Variants in CWC22 observed in about 807,000 individuals in gnomAD.
CWC22 encodes the protein pre-mRNA-splicing factor CWC22 homolog.
A neutral mutation model predicts 117.2 loss-of-function variants in CWC22; 53 were observed. The observed-to-expected ratio is 0.45, with a 90% CI of 0.36 to 0.57. CWC22 has a LOEUF of 0.57. CWC22 is among the 20% of genes least tolerant of loss of function. The pLI, the probability that CWC22 is intolerant of heterozygous loss-of-function variation, is 0.00. For synonymous variants in CWC22, 360 were observed against 355.6 expected (o/e 1.01, Z -0.14); for missense variants, 980 against 1,068.8 (o/e 0.92, Z 1.16).
At chr2:179,951,016 T>A (rs1027895202) in intron 17 of CWC22, 90 bp from the exon 18 acceptor site, 1 of 764,828 alleles carries the variant, frequency 1.3e-6, no homozygotes, top group South Asian at 1.7e-5. Flanking sequence ...TTTCATATAT[T>A]AAATTACTAA....
At chr2:179,959,525 C>T (rs149749945) in intron 13 of CWC22, among the ~76,000 whole-genome samples, 11 of 152,128 alleles carry the variant, frequency 7.2e-5, no homozygotes, top group African/African-American at 1.2e-4. Flanking sequence ...CTTAATGACA[C>T]GGTTATCTAA....
intron 11 of CWC22, among the ~76,000 whole-genome samples, chr2:179,969,752 A>G (rs1173776823): frequency 6.6e-6 from 1 of 152,190 alleles, no homozygotes; most frequent in Non-Finnish European, 1.5e-5. Flanking sequence ...CAGTAAAATT[A>G]CAACTCAAGA....
chr2:179,971,062 T>A lies in CWC22; in HGVS notation c.819A>T (p.Leu273Phe), dbSNP rs1481383735. The change falls in exon 9 of 20, where the codon TTA (leucine) becomes TTT (phenylalanine). Residue 273 changes from leucine to phenylalanine, a missense_variant. By Grantham distance (22) the Leu-to-Phe change is conservative. This residue lies in a region of CWC22 where 559 missense variants were observed against 602.3 expected (regional missense o/e 0.93). Transcript: ENST00000410053. ...LINQNVAHEV[L>F]CLEMLTLLLE... ...GGAGCAAAGTGAGCATCTCTAAGCATAATACTTCGTGTGCCTTAAATAAAA... is the reference window on the plus strand; with the variant it reads ...GGAGCAAAGTGAGCATCTCTAAGCAAAATACTTCGTGTGCCTTAAATAAAA... The A allele has an allele frequency of 6.3e-7, 1 of 1,588,244 alleles. No individual in the cohort carries two copies. The highest frequency in any genetic ancestry group is 8.6e-7 in the Non-Finnish European group (1 of 1,166,336).
intron 14 of CWC22, among the ~76,000 whole-genome samples, chr2:179,956,383 A>G (rs1686591649): frequency 6.6e-6 from 1 of 151,426 alleles, no homozygotes. Context: ...TACTAGTCAT[A>G]TTTCAAGTAC....
At chr2:179,992,524 A>C (rs1396861165) in intron 2 of CWC22, among the ~76,000 whole-genome samples, 1 of 152,114 alleles carries the variant, frequency 6.6e-6, no homozygotes, top group East Asian at 1.9e-4. Flanking sequence ...GCAACCCCTC[A>C]ATGTTGAATC....
chr2:179,990,118 G>C (rs1391840949), intron 2 of CWC22, among the ~76,000 whole-genome samples: 1 of 152,080 alleles, frequency 6.6e-6, no homozygotes, highest in African/African-American at 2.4e-5. Context: ...AGGTGAATAA[G>C]CATGTAATCA....
chr2:180,002,988 A>G (rs557182584), intron 1 of CWC22, among the ~76,000 whole-genome samples: 2 of 152,350 alleles, frequency 1.3e-5, no homozygotes, highest in Admixed American at 6.5e-5. Context: ...CTGCTACTTA[A>G]TAAGTTCCAA....
At chr2:179,947,066 T>C (rs1686326277) in intron 19 of CWC22, among the ~76,000 whole-genome samples, 1 of 152,188 alleles carries the variant, frequency 6.6e-6, no homozygotes, top group South Asian at 2.1e-4. Flanking sequence ...TTAATTTGGG[T>C]GCACAAATCA....
intron 13 of CWC22, 108 bp from the exon 14 acceptor site, chr2:179,959,190 A>G (rs1459161794): frequency 4.2e-6 from 3 of 720,726 alleles, no homozygotes; most frequent in African/African-American, 1.8e-5. Flanking sequence ...TTTAACTGTA[A>G]TTTCATATTG....
At chr2:179,957,662 A>C (rs1251753398) in intron 14 of CWC22, among the ~76,000 whole-genome samples, 1 of 152,166 alleles carries the variant, frequency 6.6e-6, no homozygotes, top group Non-Finnish European at 1.5e-5. Flanking sequence ...AATCAAGAAG[A>C]CCTAGAAGAA....
At chr2:179,966,581 G>GT (rs1211287609) in intron 11 of CWC22, among the ~76,000 whole-genome samples, 1 of 152,040 alleles carries the variant, frequency 6.6e-6, no homozygotes, top group Non-Finnish European at 1.5e-5. Context: ...AAGACAACTG[G>GT]TAAGACAAGC....
chr2:179,948,838 C>T (rs1686374589), intron 19 of CWC22, among the ~76,000 whole-genome samples: 1 of 152,090 alleles, frequency 6.6e-6, no homozygotes, highest in Admixed American at 6.5e-5. Flanking sequence ...ATAAGAAAAA[C>T]GACATTAGTG....
chr2:180,000,341 A>T (rs1397150648), intron 1 of CWC22, among the ~76,000 whole-genome samples: 1 of 152,218 alleles, frequency 6.6e-6, no homozygotes, highest in Non-Finnish European at 1.5e-5. Context: ...GAAAATACAA[A>T]GATTATTCTT....
chr2:179,971,130 A>ATTATTT (rs1362419521), intron 8 of CWC22, 54 bp from the exon 9 acceptor site: 1 of 1,199,630 alleles, frequency 8.3e-7, no homozygotes, highest in Non-Finnish European at 1.1e-6. Context: ...CATACATTAA[A>ATTATTT]TTATTTTTAT....
In CWC22 at chr2:179,965,900, T is replaced by C. The variant is rs573410341; in HGVS notation, c.1293A>G (p.Glu431=). 6.4e-7 allele frequency: 1 copy of C among 1,565,344 alleles called. No homozygotes were observed. Among genetic ancestry groups the C allele is most frequent in the Admixed American group, 1.7e-5 (1 of 59,954 alleles). ...TACCTTCTTCATCTTCTTCTCCCTC[T>C]TCCTCTTCTTCTTCCTCGTCCTCTT... ...SSEEDEEEEE[E]EGEEDEEGQK... The change falls in exon 12 of 20, where the codon GAA becomes GAG. Residue 431 remains glutamate, a synonymous_variant. Transcript: ENST00000410053.
At chr2:179,972,993 A>C (rs1459485412) in intron 8 of CWC22, among the ~76,000 whole-genome samples, 200 bp downstream of exon 8, 1 of 151,986 alleles carries the variant, frequency 6.6e-6, no homozygotes, top group African/African-American at 2.4e-5. Context: ...TGGGCGACAG[A>C]GTGAGACTCC....
intron 11 of CWC22, among the ~76,000 whole-genome samples, chr2:179,968,029 T>C (rs1218052375): frequency 6.6e-6 from 1 of 152,162 alleles, no homozygotes; most frequent in African/African-American, 2.4e-5. Context: ...GACACTTAGA[T>C]TTTTTTGGAC....
intron 16 of CWC22, among the ~76,000 whole-genome samples, chr2:179,953,971 T>A (rs1201217347): frequency 1.3e-5 from 2 of 152,130 alleles, no homozygotes; most frequent in African/African-American, 2.4e-5. Flanking sequence ...GCCATCACTA[T>A]CGAAACACTG....
chr2:179,979,431 G>T (rs938813269), intron 5 of CWC22, among the ~76,000 whole-genome samples: 4 of 152,138 alleles, frequency 2.6e-5, no homozygotes, highest in African/African-American at 9.7e-5. Context: ...AAACTTTAGA[G>T]ATGAGTAAAA....
Sources: gnomAD v4.1 joint callset for allele counts (sites outside exome capture counted in the v4.1 genomes callset) on GRCh38, gnomAD v4.1.1 for gene constraint, gnomAD v4.1.1 regional missense constraint, MANE v1.5 for transcripts, NCBI Gene and HGNC (gene_info 2026-07-23, HGNC 2026-07-21) for gene names.